POLD1: variants seen among roughly 807,000 people sequenced by gnomAD.
POLD1 encodes DNA polymerase delta catalytic subunit.
A neutral mutation model predicts 129.7 loss-of-function variants in POLD1; 79 were observed. That is an observed-to-expected ratio of 0.61 (90% CI 0.51 to 0.73). The LOEUF is 0.73. Ranked by LOEUF, POLD1 falls within the 30% of genes least tolerant of loss-of-function variation. The pLI, the probability that POLD1 is intolerant of heterozygous loss-of-function variation, is 0.00. For synonymous variants in POLD1, 714 were observed against 683.3 expected (o/e 1.04, Z -0.70); for missense variants, 1,338 against 1,595.8 (o/e 0.84, Z 2.75).
intron 9 of POLD1, 37 bp from the exon 10 acceptor site, chr19:50,403,456 C>A: frequency 1.4e-6 from 2 of 1,467,972 alleles, no homozygotes; most frequent in Non-Finnish European, 1.9e-6. Flanking sequence ...CGAGGCAGGG[C>A]AACCACCAGG....
rs1568618874 is a variant in POLD1, at chr19:50,401,836, C to G, written c.375C>G (p.Leu125=). ...PPPSRGSVPV[L]RAFGVTDEGF... ...CATCCCGCGGCTCCGTGCCTGTGCTCCGCGCCTTCGGGGTCACCGATGAGG... is the reference window on the plus strand; with the variant it reads ...CATCCCGCGGCTCCGTGCCTGTGCTGCGCGCCTTCGGGGTCACCGATGAGG... Residue 125 remains leucine (L), a synonymous_variant, in exon 4 of 27, where the codon CTC becomes CTG. Coordinates refer to ENST00000440232, the MANE Select transcript of POLD1 (RefSeq NM_002691.4). The G allele has an allele frequency of 3.7e-6, 6 of 1,613,896 alleles. No homozygotes were observed. Among genetic ancestry groups the G allele is most frequent in the Non-Finnish European group, 4.2e-6 (5 of 1,179,926 alleles).
intron 3 of POLD1, 23 bp downstream of exon 3, chr19:50,399,507 AGTGCTGGGGC>A: frequency 6.5e-7 from 1 of 1,543,434 alleles, no homozygotes; most frequent in Non-Finnish European, 9.0e-7. Context: ...GTTATGGGTG[AGTGCTGGGGC>A]CCTGCGCTCC....
chr19:50,400,211 ATTTTTTTTTT>A (rs549820323), intron 3 of POLD1, among the ~76,000 whole-genome samples: 9,151 of 67,628 alleles, frequency 0.14, 643 homozygotes, highest in African/African-American at 0.26. Flanking sequence ...CTGGCCAATA[ATTTTTTTTTT>A]TTTTTTTTTT....
At chr19:50,407,930 T>G (rs1464633306) in intron 14 of POLD1, among the ~76,000 whole-genome samples, 3 of 151,090 alleles carry the variant, frequency 2.0e-5, no homozygotes, top group African/African-American at 7.3e-5. Context: ...CCCAGCTACT[T>G]GGGAGGCTGA....
In POLD1 at chr19:50,400,211, A is replaced by ATTTTTTTT. The variant is rs549820323; in HGVS notation, c.316+746_316+753dup. Among the ~76,000 whole-genome samples the ATTTTTTTT allele has an allele frequency of 6.3e-4, 43 of 67,814 alleles. 3 individuals carry two copies. Among genetic ancestry groups the ATTTTTTTT allele is most frequent in the African/African-American group, 2.7e-3 (40 of 14,646 alleles). The allele number at this position is 67,814 out of a possible 152,430, so 44.5% of individuals were successfully genotyped here. A position where few individuals can be genotyped will look rare whatever the true frequency, so the allele number is the denominator to read the frequency against. On this transcript the variant is annotated intron_variant, in intron 3 of 26. Coordinates refer to ENST00000440232, the MANE Select transcript of POLD1 (RefSeq NM_002691.4). ...CAGGCTGGAGTGCACCTGGCCAATA[A>ATTTTTTTT]TTTTTTTTTTTTTTTTTTTTTTTTT...
intron 1 of POLD1, among the ~76,000 whole-genome samples, chr19:50,397,216 T>C: frequency 6.6e-6 from 1 of 151,170 alleles, no homozygotes; most frequent in East Asian, 2.0e-4. Context: ...CTGGCCAACA[T>C]GGTGAAACCC....
chr19:50,398,570 C>CA lies in POLD1; in HGVS notation c.-1-259dup, dbSNP rs35689550. On this transcript the variant is annotated intron_variant, in intron 1 of 26. Transcript: ENST00000440232. ...GGGTGACAAGAGCACAATTCCATCT[C>CA]AAAAAAAAAAAAAAAAAAAAAAGCA... is the stretch of plus-strand genomic sequence containing the variant. 0.84 allele frequency among the ~76,000 whole-genome samples: 54,084 copies of CA among 64,476 alleles called. 23,560 individuals are homozygous for CA. The highest frequency in any genetic ancestry group is 0.9 in the Non-Finnish European group (34,916 of 38,916). 42.3% of individuals were successfully genotyped at this position (64,476 alleles called of 152,430 possible).
At chr19:50,416,821 C>T in intron 24 of POLD1, 98 bp downstream of exon 24, 1 of 1,050,034 alleles carries the variant, frequency 9.5e-7, no homozygotes, top group Admixed American at 2.4e-5. Context: ...CACTGCCACC[C>T]AGTGGGCCCA....
chr19:50,401,635 G>A, intron 3 of POLD1, 143 bp from the exon 4 acceptor site: 1 of 852,500 alleles, frequency 1.2e-6, no homozygotes, highest in South Asian at 1.5e-5. Context: ...TGGGAACCAG[G>A]GGGGAGGCTG....
chr19:50,395,876 C>CTT (rs774272686), intron 1 of POLD1, among the ~76,000 whole-genome samples: 11,433 of 73,546 alleles, frequency 0.16, 2,817 homozygotes, highest in African/African-American at 0.27. Context: ...AGGATATATA[C>CTT]TTTTTTTTTT....
intron 14 of POLD1, among the ~76,000 whole-genome samples, chr19:50,408,027 C>A (rs527261635): frequency 6.6e-6 from 1 of 151,304 alleles, no homozygotes; most frequent in South Asian, 2.1e-4. Flanking sequence ...CAGAGCAACA[C>A]CCCGGCCCTA....
chr19:50,407,723 T>C (rs1333622580), intron 14 of POLD1, among the ~76,000 whole-genome samples: 1 of 136,952 alleles, frequency 7.3e-6, no homozygotes, highest in Non-Finnish European at 1.5e-5. Flanking sequence ...CACGCCTGGC[T>C]AATTTTTTTT....
intron 2 of POLD1, 85 bp from the exon 3 acceptor site, chr19:50,399,286 C>A: frequency 1.6e-6 from 2 of 1,235,146 alleles, no homozygotes; most frequent in Admixed American, 1.9e-5. Context: ...ACCACCTCTG[C>A]CTGGCTCCTT....
At position 50,406,632 on chromosome 19, in the gene POLD1, T is replaced by C. The variant is rs370993734; in HGVS notation, c.1494+115T>C. 191 of 782,186 alleles carry C rather than the reference T, an allele frequency of 2.4e-4. 3 individuals carry two copies. In the South Asian group the frequency reaches 2.9e-3, roughly 12 times the overall value. The allele number at this position is 782,186 out of a possible 1,614,324, so 48.5% of individuals were successfully genotyped here. On this transcript the variant is annotated intron_variant, in intron 12 of 26. Coordinates refer to ENST00000440232, the MANE Select transcript of POLD1 (RefSeq NM_002691.4). This position sits in a 1 kb window ranked among gnomAD's most constrained non-coding sequence, Gnocchi z 5.5. ...TCTGACCTCACTCTTTGACCTGCTG[T>C]TATGACCTGTGACCTTACCTGACGC...
intron 10 of POLD1, among the ~76,000 whole-genome samples, chr19:50,405,349 C>G (rs912729376): frequency 1.3e-5 from 2 of 152,214 alleles, no homozygotes; most frequent in African/African-American, 4.8e-5. Flanking sequence ...GCTTCAACAT[C>G]TTTTGGGAGA....
At position 50,403,311 on chromosome 19, in the gene POLD1, T is replaced by A. The variant is rs927484405; in HGVS notation, c.1137+92T>A. On this transcript the variant is annotated intron_variant, in intron 9 of 26. Transcript: ENST00000440232. Reference sequence around the variant, plus strand: ...CAGCTCCTGGGTGCTGCGACGCCCATGTCTGTGGGTCTGGGTGGGTGTCTG... The same window carrying A: ...CAGCTCCTGGGTGCTGCGACGCCCAAGTCTGTGGGTCTGGGTGGGTGTCTG... 77 of 1,334,344 alleles carry A rather than the reference T, an allele frequency of 5.8e-5. 3 individuals carry two copies. In the South Asian group the frequency reaches 8.3e-4, roughly 14 times the overall value. The allele number at this position is 1,334,344 out of a possible 1,614,324, so 82.7% of individuals were successfully genotyped here.
chr19:50,390,690 A>G (rs2950414), intron 1 of POLD1, among the ~76,000 whole-genome samples: 7,729 of 151,760 alleles, frequency 0.051, 664 homozygotes, highest in African/African-American at 0.18. Context: ...AGTGAACAAA[A>G]GTCTCTGGTT....
intron 1 of POLD1, among the ~76,000 whole-genome samples, chr19:50,391,381 A>C (rs2038160995): frequency 1.3e-5 from 2 of 152,106 alleles, no homozygotes; most frequent in Non-Finnish European, 2.9e-5. Context: ...AGCCGAGATC[A>C]CGCCACTGCA....
intron 1 of POLD1, among the ~76,000 whole-genome samples, chr19:50,396,309 G>A (rs3219350): frequency 0.14 from 20,809 of 150,964 alleles, 1,890 homozygotes; most frequent in African/African-American, 0.25. Context: ...GGCTGGTCTC[G>A]AACTCCTGAC....
Sources: gnomAD v4.1 joint callset for allele counts (sites outside exome capture counted in the v4.1 genomes callset) on GRCh38, gnomAD v4.1.1 for gene constraint, Gnocchi (gnomAD v3.1) non-coding constraint, MANE v1.5 for transcripts, NCBI Gene and HGNC (gene_info 2026-07-23, HGNC 2026-07-21) for gene names.